The following CHRM3 variants were observed in gnomAD, a reference collection of about 807,000 sequenced individuals.
CHRM3 encodes muscarinic acetylcholine receptor M3.
A neutral mutation model predicts 41.8 loss-of-function variants in CHRM3; 11 were observed. The observed-to-expected ratio is 0.26, with a 90% CI of 0.17 to 0.44. The LOEUF is 0.44. CHRM3 is among the 20% of genes least tolerant of loss of function. The pLI, the probability that CHRM3 is intolerant of heterozygous loss-of-function variation, is 1.00. For synonymous variants in CHRM3, 297 were observed against 301.4 expected (o/e 0.99, Z 0.15); for missense variants, 571 against 745.4 (o/e 0.77, Z 2.72).
chr1:239,788,566 G>A, intron 5 of CHRM3, among the ~76,000 whole-genome samples: 1 of 152,218 alleles, frequency 6.6e-6, no homozygotes, highest in South Asian at 2.1e-4. Context: ...GGGAGTTCCA[G>A]ACCAGACTGA....
chr1:239,852,771 T>C (rs1425123102), intron 6 of CHRM3, among the ~76,000 whole-genome samples: 1 of 152,176 alleles, frequency 6.6e-6, no homozygotes, highest in Non-Finnish European at 1.5e-5. Context: ...ACATGGCACA[T>C]AGGTCATGAC....
chr1:239,441,932 A>G (rs1473267498), intron 1 of CHRM3, among the ~76,000 whole-genome samples: 1 of 152,236 alleles, frequency 6.6e-6, no homozygotes, highest in Non-Finnish European at 1.5e-5. Flanking sequence ...TTTAAGAGAC[A>G]TTAAAATAAA....
intron 1 of CHRM3, among the ~76,000 whole-genome samples, chr1:239,480,768 C>G (rs1002333193): frequency 6.6e-6 from 1 of 151,928 alleles, no homozygotes; most frequent in African/African-American, 2.4e-5. Context: ...CCGTGTTAGC[C>G]AGGATGGTCT....
intron 5 of CHRM3, among the ~76,000 whole-genome samples, chr1:239,696,239 T>C (rs1412649049): frequency 6.6e-6 from 1 of 152,188 alleles, no homozygotes; most frequent in Non-Finnish European, 1.5e-5. Flanking sequence ...AAAAATCTTA[T>C]ACCTGTTCCG....
At chr1:239,438,999 C>G (rs761471197) in intron 1 of CHRM3, among the ~76,000 whole-genome samples, 2 of 152,158 alleles carry the variant, frequency 1.3e-5, no homozygotes, top group African/African-American at 2.4e-5. Flanking sequence ...AATAATTCCC[C>G]TCCTGAGCAG....
intron 5 of CHRM3, among the ~76,000 whole-genome samples, chr1:239,680,826 G>A (rs1225458924): frequency 1.3e-5 from 2 of 152,112 alleles, no homozygotes; most frequent in East Asian, 3.9e-4. Flanking sequence ...GAACTGCGGA[G>A]GAGACTTTTT....
rs2788885 is a variant in CHRM3, at chr1:239,530,105, G to A, written c.-421-15536G>A. Among the ~76,000 whole-genome samples the A allele has an allele frequency of 2.4e-4, 36 of 152,046 alleles. No individual in the cohort carries two copies. The South Asian group carries it at 6.4e-3, about 27-fold the overall frequency. ...TTTTTAGTAGAGATGGGGTTTCACC[G>A]TGTTAGCCAGGATGGTCTTGATCTC... On this transcript the variant is annotated intron_variant, in intron 2 of 6. Transcript: ENST00000676153.
At chr1:239,544,230 G>T (rs982557254) in intron 2 of CHRM3, among the ~76,000 whole-genome samples, 1 of 152,102 alleles carries the variant, frequency 6.6e-6, no homozygotes, top group Non-Finnish European at 1.5e-5. Flanking sequence ...CTAGCTCCTA[G>T]TAATCATGCA....
At chr1:239,676,192 G>A (rs1244273964) in intron 4 of CHRM3, among the ~76,000 whole-genome samples, 1 of 152,126 alleles carries the variant, frequency 6.6e-6, no homozygotes, top group Non-Finnish European at 1.5e-5. Context: ...AAAGTACTAA[G>A]GATTTCAGAG....
At position 239,889,869 on chromosome 1, in the gene CHRM3, A is replaced by G. The variant is rs116516902; in HGVS notation, c.-19-17564A>G. On this transcript the variant is annotated intron_variant, in intron 6 of 6. Transcript: ENST00000676153. ...CTCAAGGAGTATAGTGTACATTTCA[A>G]AAGGGCCTTTAGTCTTGGCAGTTTC... is the stretch of plus-strand genomic sequence containing the variant. Among the ~76,000 whole-genome samples, 728 of 152,352 alleles carry G rather than the reference A, an allele frequency of 4.8e-3. 6 individuals carry two copies. The highest frequency in any genetic ancestry group is 0.016 in the African/African-American group (684 of 41,584).
chr1:239,694,463 G>A (rs958858058), intron 5 of CHRM3, among the ~76,000 whole-genome samples: 8 of 152,214 alleles, frequency 5.3e-5, no homozygotes, highest in Middle Eastern at 3.4e-3. Context: ...AAGGCTTAAC[G>A]TTCCAAAAAA....
chr1:239,817,248 C>G (rs1170773945), intron 5 of CHRM3, among the ~76,000 whole-genome samples: 1 of 152,196 alleles, frequency 6.6e-6, no homozygotes, highest in African/African-American at 2.4e-5. Context: ...TCCTGGAGCT[C>G]TGGAGACTAA....
intron 1 of CHRM3, among the ~76,000 whole-genome samples, chr1:239,394,321 C>T (rs986075470): frequency 9.2e-5 from 14 of 152,204 alleles, no homozygotes; most frequent in Admixed American, 2.6e-4. Context: ...GACTTGTGAG[C>T]ATATCATTCC....
chr1:239,657,170 CATTTT>C (rs1380658682), intron 4 of CHRM3, among the ~76,000 whole-genome samples: 1 of 152,128 alleles, frequency 6.6e-6, no homozygotes, highest in Non-Finnish European at 1.5e-5. Context: ...AATCCAGTAA[CATTTT>C]ATATGCTAAC....
At chr1:239,665,009 G>C (rs143084733) in intron 4 of CHRM3, among the ~76,000 whole-genome samples, 1 of 151,874 alleles carries the variant, frequency 6.6e-6, no homozygotes, top group African/African-American at 2.4e-5. Context: ...CAGCAGATCT[G>C]TCTCTGTGTG....
chr1:239,825,301 C>T (rs74628695), intron 5 of CHRM3, among the ~76,000 whole-genome samples: 2,010 of 152,274 alleles, frequency 0.013, 52 homozygotes, highest in African/African-American at 0.047. Context: ...CCCTCTACAC[C>T]ATGTATTTCT....
At chr1:239,544,321 A>T (rs913926066) in intron 2 of CHRM3, among the ~76,000 whole-genome samples, 1 of 152,168 alleles carries the variant, frequency 6.6e-6, no homozygotes, top group African/African-American at 2.4e-5. Flanking sequence ...AGGTGCGTAG[A>T]TGGAAGTCCC....
chr1:239,612,517 A>G (rs6688669), intron 3 of CHRM3, among the ~76,000 whole-genome samples: 63,954 of 152,044 alleles, frequency 0.42, 15,716 homozygotes, highest in African/African-American at 0.69. Flanking sequence ...AAAGCAATCA[A>G]ATCCACAGAT....
intron 5 of CHRM3, among the ~76,000 whole-genome samples, chr1:239,808,104 T>A (rs1670807399): frequency 6.6e-6 from 1 of 152,162 alleles, no homozygotes; most frequent in African/African-American, 2.4e-5. Context: ...ACTGGTTGTT[T>A]TGACCCCATA....
Sources: allele counts gnomAD v4.1 joint callset (sites outside exome capture counted in the v4.1 genomes callset), GRCh38; gene constraint gnomAD v4.1.1; transcripts MANE v1.5; gene names NCBI Gene and HGNC (gene_info 2026-07-23, HGNC 2026-07-21).